RNF19B: variants seen among roughly 807,000 people sequenced by gnomAD.
RNF19B encodes E3 ubiquitin-protein ligase RNF19B.
Under a neutral mutation model 65.5 loss-of-function variants are expected in RNF19B, and 23 were observed. The observed-to-expected ratio is 0.35, with a 90% CI of 0.25 to 0.50. The LOEUF (loss-of-function observed/expected upper bound fraction) is 0.50. Among genes scored for constraint, RNF19B ranks in the 20% least tolerant of loss-of-function variants. RNF19B has a pLI of 0.98. For synonymous variants in RNF19B, 372 were observed against 379.6 expected, an observed-to-expected ratio of 0.98 and a Z score of 0.23; for missense variants, 794 against 980.0, an observed-to-expected ratio of 0.81 and a Z score of 2.53.
intron 1 of RNF19B, among the ~76,000 whole-genome samples, chr1:32,955,783 C>T (rs977738437): frequency 6.6e-6 from 1 of 151,836 alleles, no homozygotes; most frequent in Non-Finnish European, 1.5e-5. Context: ...AATACCTCAT[C>T]CTTGAAACCC....
Position 32,936,733 on chromosome 1 carries a change from GAAAAAAA to G in RNF19B, c.*66_*72del, listed in dbSNP as rs36040674. ...AAAATACATAAATCTCTACCCCTTG[GAAAAAAA>G]AAAAAAAAAATTCCAAAAGATGCAG... On this transcript the variant is annotated 3_prime_UTR_variant, in exon 9 of 9. Coordinates refer to ENST00000235150, the MANE Select transcript of RNF19B (RefSeq NM_001300826.2). 16 of 1,160,334 alleles carry G rather than the reference GAAAAAAA, an allele frequency of 1.4e-5. No individual in the cohort carries two copies. The highest frequency in any genetic ancestry group is 1.9e-5 in the Non-Finnish European group (16 of 864,370). 71.9% of individuals were successfully genotyped at this position (1,160,334 alleles called of 1,614,324 possible).
At chr1:32,946,706 G>A (rs1642374129) in intron 3 of RNF19B, 142 bp from the exon 4 acceptor site, 3 of 735,298 alleles carry the variant, frequency 4.1e-6, no homozygotes, top group Non-Finnish European at 6.3e-6. Flanking sequence ...ACACAAGGGA[G>A]AGCAAAGGAC....
intron 5 of RNF19B, among the ~76,000 whole-genome samples, chr1:32,945,170 A>G (rs1642335816): frequency 1.3e-5 from 2 of 152,238 alleles, no homozygotes; most frequent in African/African-American, 4.8e-5. Flanking sequence ...GTGAAGCATT[A>G]AACAAATCAA....
rs192543681 is a variant in RNF19B, at chr1:32,946,125, C to T, written c.1146+277G>A. On this transcript the variant is annotated intron_variant, in intron 4 of 8. Transcript: ENST00000235150. ...AACTGATCTACCTGCCTTGGCTTCC[C>T]AAAGTGCTAGGCCACGTATTACAAA... Among the ~76,000 whole-genome samples the T allele has an allele frequency of 4.9e-3, 740 of 152,256 alleles. 7 individuals are homozygous for T. The highest frequency in any genetic ancestry group is 0.017 in the African/African-American group (696 of 41,558).
chr1:32,939,165 C>T (rs1181229971), intron 7 of RNF19B, among the ~76,000 whole-genome samples: 1 of 152,134 alleles, frequency 6.6e-6, no homozygotes, highest in Non-Finnish European at 1.5e-5. Flanking sequence ...TTGCTAAGTA[C>T]TCCCACAGCA....
intron 1 of RNF19B, among the ~76,000 whole-genome samples, chr1:32,955,528 G>A (rs531334222): frequency 4.6e-5 from 7 of 151,348 alleles, no homozygotes; most frequent in Admixed American, 3.3e-4. Context: ...TCAGGAGTTC[G>A]AGACCAGTCT....
At position 32,942,454 on chromosome 1, in the gene RNF19B, C is replaced by T. The variant is rs755940209; in HGVS notation, c.1408G>A (p.Asp470Asn). The change falls in exon 7 of 9, where the codon GAT becomes AAT. Residue 470 changes from aspartate (D) to asparagine (N), a missense_variant. Around this residue, in one of 3 missense-constraint regions of RNF19B, gnomAD observed 368 missense variants for 447.3 expected, o/e 0.82. Coordinates refer to ENST00000235150, the MANE Select transcript of RNF19B (RefSeq NM_001300826.2). ...GGATTCTTGAGGGCTCTCCAGGCAT[C>T]TGCCACTGGGGATAGAACCAAACAT... ...DEDDGPITVA[D>N]AWRALKNPSI... 4 of 1,613,612 alleles carry T rather than the reference C, an allele frequency of 2.5e-6. No individual in the cohort carries two copies. Among genetic ancestry groups the T allele is most frequent in the Non-Finnish European group, 3.4e-6 (4 of 1,179,650 alleles).
chr1:32,945,607 T>C lies in RNF19B; in HGVS notation c.1168A>G (p.Arg390Gly). ...TTCCTCTTGTGTTTGGAGGTTTTCC[T>C]TCCCTCATACCTGCTGTGAATCTAA... The part of the protein sequence containing the change: ...GRKIHSRYEG[R>G]KTSKHKRNLA... Residue 390 changes from arginine to glycine, a missense_variant, in exon 5 of 9, where the codon AGG (arginine) becomes GGG (glycine). By Grantham distance (125) the Arg-to-Gly change is moderately radical. This residue lies in a region of RNF19B where 368 missense variants were observed against 447.3 expected (regional missense o/e 0.82). Coordinates refer to ENST00000235150, the MANE Select transcript of RNF19B (RefSeq NM_001300826.2). 1 of 1,611,918 alleles carries C rather than the reference T, an allele frequency of 6.2e-7. No individual in the cohort carries two copies. The highest frequency in any genetic ancestry group is 8.5e-7 in the Non-Finnish European group (1 of 1,177,926).
At position 32,945,582 on chromosome 1, in the gene RNF19B, T is replaced by C. The variant is rs1642347492; in HGVS notation, c.1193A>G (p.Asn398Ser). ...AGTCACTCCTCCAGTGATAGCCAAA[T>C]TCCTCTTGTGTTTGGAGGTTTTCCT... ...EGRKTSKHKR[N>S]LAITGGVTLS... Residue 398 changes from asparagine to serine, a missense_variant, in exon 5 of 9, where the codon AAT (asparagine) becomes AGT (serine). Physicochemically the swap from Asn to Ser is conservative, Grantham distance 46. This residue lies in a region of RNF19B where 368 missense variants were observed against 447.3 expected (regional missense o/e 0.82). Transcript: ENST00000235150. 1 of 1,613,812 alleles carries C rather than the reference T, an allele frequency of 6.2e-7. No individual in the cohort carries two copies. The highest frequency in any genetic ancestry group is 1.1e-5 in the South Asian group (1 of 91,084).
Position 32,964,488 on chromosome 1 carries a change from G to T in RNF19B, c.198C>A (p.Ala66=). ...PPPPAAQPPP[A]PAPAAAQGPP... ...GGCCCTGGGCCGCGGCAGGGGCCGGGGCGGGCGGCGGCTGCGCAGCCGGGG... is the reference window on the plus strand; with the variant it reads ...GGCCCTGGGCCGCGGCAGGGGCCGGTGCGGGCGGCGGCTGCGCAGCCGGGG... Residue 66 remains alanine, a synonymous_variant, in exon 1 of 9, where the codon GCC becomes GCA. Coordinates refer to ENST00000235150, the MANE Select transcript of RNF19B (RefSeq NM_001300826.2). The surrounding 1 kb of genome is among the most constrained non-coding windows in gnomAD (Gnocchi z 6.5). The T allele has an allele frequency of 1.1e-6, 1 of 949,040 alleles. No individual in the cohort carries two copies. 58.8% of individuals were successfully genotyped at this position (949,040 alleles called of 1,614,324 possible). A position where few individuals can be genotyped will look rare whatever the true frequency, so the allele number is the denominator to read the frequency against.
Position 32,948,245 on chromosome 1 carries a change from C to T in RNF19B, c.960G>A (p.Glu320=). 6.2e-7 allele frequency: 1 copy of T among 1,613,970 alleles called. No homozygotes were observed. The highest frequency in any genetic ancestry group is 2.2e-5 in the East Asian group (1 of 44,886). Residue 320 remains glutamate, a synonymous_variant, in exon 3 of 9, where the codon GAG becomes GAA. Transcript: ENST00000235150. Reference sequence around the variant, plus strand: ...ACCTGAGGTAATGCAAGTCTGAGATCTCTTTCATACAAAGCCAACAGAATT... The same window carrying T: ...ACCTGAGGTAATGCAAGTCTGAGATTTCTTTCATACAAAGCCAACAGAATT... ...GCEFCWLCMK[E]ISDLHYLSPS...
intron 1 of RNF19B, among the ~76,000 whole-genome samples, chr1:32,957,613 C>T (rs1045647134): frequency 2.0e-5 from 3 of 152,140 alleles, no homozygotes; most frequent in East Asian, 1.9e-4. Flanking sequence ...GCGGGTGGCT[C>T]GCTTGAAGTC....
Position 32,964,352 on chromosome 1 carries a change from G to A in RNF19B, c.334C>T (p.Pro112Ser), listed in dbSNP as rs886760341. ...GGACACTCCACCTCCTCCGCGCCCG[G>A]GCCACCGCCCTCCGCCGCCTCCTCA... is the stretch of plus-strand genomic sequence containing the variant. ...DDEEAAEGGGPGAEEVECPLC... is the reference protein window; with the variant it reads ...DDEEAAEGGGSGAEEVECPLC... Residue 112 changes from proline (P) to serine (S), a missense_variant, in exon 1 of 9, where the codon CCG becomes TCG. Pro to Ser is a moderately conservative substitution (Grantham distance 74). Around this residue, in one of 3 missense-constraint regions of RNF19B, gnomAD observed 374 missense variants for 423.8 expected, o/e 0.88. Transcript: ENST00000235150. This position sits in a 1 kb window ranked among gnomAD's most constrained non-coding sequence, Gnocchi z 6.5. The A allele has an allele frequency of 4.2e-6, 6 of 1,421,708 alleles. No individual in the cohort carries two copies. Among genetic ancestry groups the A allele is most frequent in the Non-Finnish European group, 5.5e-6 (6 of 1,090,140 alleles). 88.1% of individuals were successfully genotyped at this position (1,421,708 alleles called of 1,614,324 possible). A position where few individuals can be genotyped will look rare whatever the true frequency, so the allele number is the denominator to read the frequency against.
chr1:32,956,807 C>G (rs1321923330), intron 1 of RNF19B, among the ~76,000 whole-genome samples: 1 of 152,068 alleles, frequency 6.6e-6, no homozygotes, highest in African/African-American at 2.4e-5. Context: ...GAAATGTGTT[C>G]CTATATTATG....
At chr1:32,948,753 T>C (rs1011925379) in intron 2 of RNF19B, among the ~76,000 whole-genome samples, 3 of 152,220 alleles carry the variant, frequency 2.0e-5, no homozygotes, top group Non-Finnish European at 4.4e-5. Context: ...GCTTTACATT[T>C]TTAAAAACTT....
intron 6 of RNF19B, 137 bp from the exon 7 acceptor site, chr1:32,942,596 G>T: frequency 1.6e-6 from 1 of 635,432 alleles, no homozygotes; most frequent in Non-Finnish European, 2.6e-6. Flanking sequence ...CCACATATCA[G>T]GTGTTTTAAC....
At chr1:32,943,571 G>A (rs920754598) in intron 6 of RNF19B, among the ~76,000 whole-genome samples, 35 of 151,614 alleles carry the variant, frequency 2.3e-4, no homozygotes, top group Admixed American at 1.1e-3. Context: ...AACCGAGATC[G>A]CGACATCGTA....
At chr1:32,931,457 A>C (rs1385709977), downstream of RNF19B, among the ~76,000 whole-genome samples, 1 of 152,180 alleles carries the variant, frequency 6.6e-6, no homozygotes, top group Non-Finnish European at 1.5e-5. Flanking sequence ...CATATCTATA[A>C]GGGGAAGAAT....
chr1:32,939,545 A>C (rs1476786690), intron 7 of RNF19B, among the ~76,000 whole-genome samples: 2 of 152,142 alleles, frequency 1.3e-5, no homozygotes, highest in South Asian at 2.1e-4. Flanking sequence ...ACTCATACAC[A>C]CTTTACCTTC....
Sources: allele counts gnomAD v4.1 joint callset (sites outside exome capture counted in the v4.1 genomes callset), GRCh38; gene constraint gnomAD v4.1.1; regional missense constraint gnomAD v4.1.1; non-coding constraint Gnocchi (gnomAD v3.1); transcripts MANE v1.5; gene names NCBI Gene and HGNC (gene_info 2026-07-23, HGNC 2026-07-21).